Variants in ADPRS observed in about 807,000 individuals in gnomAD.
ADPRS encodes ADP-ribosylhydrolase ARH3.
In ADPRS, 25 loss-of-function variants were observed where a neutral mutation model predicts 32.1. The observed-to-expected ratio is 0.78, with a 90% confidence interval of 0.57 to 1.09. The LOEUF is 1.09. ADPRS is among the 50% of genes least tolerant of loss of function. The pLI is 0.00. For missense variants in ADPRS, 482 were observed against 480.6 expected (o/e 1.00, Z -0.03); for synonymous variants, 225 against 201.0 (o/e 1.12, Z -1.01).
At chr1:36,093,005 C>T (rs1643506365) in intron 5 of ADPRS, 92 bp from the exon 6 acceptor site, 2 of 1,386,676 alleles carry the variant, frequency 1.4e-6, no homozygotes, top group African/African-American at 1.4e-5. Context: ...AGATCTTAGT[C>T]ACAGCCTGCT....
At position 36,088,902 on chromosome 1, in the gene ADPRS, C is replaced by A; in HGVS notation, c.-3C>A. On this transcript the variant is annotated 5_prime_UTR_variant, in exon 1 of 6. Transcript: ENST00000373178. Reference sequence around the variant, plus strand: ...CCGGAAGTGGCGAGCAGTCTGCGCGCGGATGGCCGCAGCGGCGATGGCGGC... The same window carrying A: ...CCGGAAGTGGCGAGCAGTCTGCGCGAGGATGGCCGCAGCGGCGATGGCGGC... 2 of 1,525,686 alleles carry A rather than the reference C, an allele frequency of 1.3e-6. No homozygotes were observed. Among genetic ancestry groups the A allele is most frequent in the Non-Finnish European group, 8.8e-7 (1 of 1,142,192 alleles). The allele number at this position is 1,525,686 out of a possible 1,614,324, so 94.5% of individuals were successfully genotyped here.
At chr1:36,090,911 C>A (rs1308087974) in intron 1 of ADPRS, among the ~76,000 whole-genome samples, 1 of 151,996 alleles carries the variant, frequency 6.6e-6, no homozygotes, top group Non-Finnish European at 1.5e-5. Flanking sequence ...TGGCTCAGGC[C>A]TATAATCCCA....
At position 36,093,270 on chromosome 1, in the gene ADPRS, G is replaced by A. The variant is rs1204444314; in HGVS notation, c.976G>A (p.Ala326Thr). 6.2e-7 allele frequency: 1 copy of A among 1,614,258 alleles called. No homozygotes were observed. The highest frequency in any genetic ancestry group is 8.5e-7 in the Non-Finnish European group (1 of 1,180,056). Residue 326 changes from alanine to threonine, a missense_variant, in exon 6 of 6, where the codon GCT becomes ACT. Ala to Thr is a moderately conservative substitution (Grantham distance 58, BLOSUM62 0). Transcript: ENST00000373178. ...DTIATMAGAI[A>T]GAYYGMDQVP... is the part of the protein sequence containing the mutation. ...CATTGCCACCATGGCTGGGGCCATT[G>A]CTGGTGCCTACTATGGGATGGATCA...
chr1:36,092,277 C>G, intron 4 of ADPRS, 145 bp from the exon 5 acceptor site: 1 of 1,133,264 alleles, frequency 8.8e-7, no homozygotes, highest in East Asian at 2.6e-5. Context: ...CCTGCTCACC[C>G]CAGCCCTCTC....
intron 2 of ADPRS, 47 bp downstream of exon 2, chr1:36,091,387 T>C (rs373238506): frequency 5.8e-6 from 9 of 1,549,406 alleles, no homozygotes; most frequent in South Asian, 3.4e-5. Context: ...GGGAAAGTTA[T>C]TGCACCCCTT....
chr1:36,092,772 C>G (rs1226780964), intron 5 of ADPRS, among the ~76,000 whole-genome samples: 1 of 152,230 alleles, frequency 6.6e-6, no homozygotes, highest in Admixed American at 6.5e-5. Flanking sequence ...TTTTATTTGT[C>G]TAGCATCTAT....
intron 4 of ADPRS, 63 bp from the exon 5 acceptor site, chr1:36,092,359 C>T (rs1279145411): frequency 1.3e-6 from 2 of 1,513,608 alleles, no homozygotes; most frequent in African/African-American, 2.7e-5. Context: ...ATGCAGCCCT[C>T]TCCCCTGCCC....
intron 3 of ADPRS, 36 bp downstream of exon 3, chr1:36,091,861 TCCTC>T: frequency 6.3e-7 from 1 of 1,586,898 alleles, no homozygotes; most frequent in Non-Finnish European, 8.6e-7. Flanking sequence ...GCTGTCCCCT[TCCTC>T]TTCTGCAGCA....
chr1:36,091,869 T>G (rs768731206), intron 3 of ADPRS, 41 bp from the exon 4 acceptor site: 1 of 1,587,456 alleles, frequency 6.3e-7, no homozygotes, highest in Non-Finnish European at 8.6e-7. Context: ...CTTCCTCTTC[T>G]GCAGCAGGGC....
At chr1:36,092,129 T>C in intron 4 of ADPRS, 35 bp downstream of exon 4, 1 of 1,565,172 alleles carries the variant, frequency 6.4e-7, no homozygotes, top group South Asian at 1.2e-5. Flanking sequence ...GGTGTGGGTA[T>C]GTGGGTGATC....
At position 36,089,061 on chromosome 1, in the gene ADPRS, C is replaced by A; in HGVS notation, c.157C>A (p.Arg53Ser). The A allele has an allele frequency of 1.4e-6, 2 of 1,466,518 alleles. No homozygotes were observed. Among genetic ancestry groups the A allele is most frequent in the African/African-American group, 1.5e-5 (1 of 67,642 alleles). The allele number at this position is 1,466,518 out of a possible 1,614,324, so 90.8% of individuals were successfully genotyped here. ...HDTVDLTSVL[R>S]HVQSLEPDPG... Reference sequence around the variant, plus strand: ...CACCGTCGACCTGACGTCAGTCCTGCGTCATGTCCAGAGTCTGGAGCCGGA... The same window carrying A: ...CACCGTCGACCTGACGTCAGTCCTGAGTCATGTCCAGAGTCTGGAGCCGGA... The change falls in exon 1 of 6, where the codon CGT becomes AGT. Residue 53 changes from arginine (R) to serine (S), a missense_variant. By Grantham distance (110) the Arg-to-Ser change is moderately radical (BLOSUM62 -1). Coordinates refer to ENST00000373178, the MANE Select transcript of ADPRS (RefSeq NM_017825.3).
Position 36,093,367 on chromosome 1 carries a change from G to C in ADPRS, c.1073G>C (p.Arg358Pro). 1 of 1,613,594 alleles carries C rather than the reference G, an allele frequency of 6.2e-7. No homozygotes were observed. The highest frequency in any genetic ancestry group is 1.1e-5 in the South Asian group (1 of 91,044). ...GACATCCTGGCCCAAAGCCTGCACC[G>C]TGTCTTCCAGAAGAGTTGATGAGGG... ...ETDILAQSLHRVFQKS is the reference protein window; with the variant it reads ...ETDILAQSLHPVFQKS The change falls in exon 6 of 6, where the codon CGT becomes CCT. Residue 358 changes from arginine to proline, a missense_variant. Coordinates refer to ENST00000373178, the MANE Select transcript of ADPRS (RefSeq NM_017825.3).
At chr1:36,092,153 G>A in intron 4 of ADPRS, 59 bp downstream of exon 4, 1 of 1,536,276 alleles carries the variant, frequency 6.5e-7, no homozygotes, top group Admixed American at 2.0e-5. Context: ...GGGGCCTCTG[G>A]CATTGCCGCA....
At chr1:36,091,169 C>CA in intron 1 of ADPRS, 75 bp from the exon 2 acceptor site, 4 of 1,324,648 alleles carry the variant, frequency 3.0e-6, no homozygotes, top group Non-Finnish European at 4.3e-6. Flanking sequence ...ACTCTGTCTC[C>CA]AAAAAAAGCA....
rs1478608619 is a variant in ADPRS at position 36,093,368 on chromosome 1, T to C, written c.1074T>C (p.Arg358=). 1 of 1,613,712 alleles carries C rather than the reference T, an allele frequency of 6.2e-7. No homozygotes were observed. The highest frequency in any genetic ancestry group is 8.5e-7 in the Non-Finnish European group (1 of 1,179,676). Reference sequence around the variant, plus strand: ...ACATCCTGGCCCAAAGCCTGCACCGTGTCTTCCAGAAGAGTTGATGAGGGC... The same window carrying C: ...ACATCCTGGCCCAAAGCCTGCACCGCGTCTTCCAGAAGAGTTGATGAGGGC... The part of the protein sequence containing the change: ...ETDILAQSLH[R]VFQKS The change falls in exon 6 of 6, where the codon CGT becomes CGC. Residue 358 remains arginine (R), a synonymous_variant. Coordinates refer to ENST00000373178, the MANE Select transcript of ADPRS (RefSeq NM_017825.3).
rs939227537 is a variant in ADPRS at position 36,093,870 on chromosome 1, T to C, written c.*484T>C. The C allele has an allele frequency of 1.2e-5, 2 of 160,502 alleles. No homozygotes were observed. Among genetic ancestry groups the C allele is most frequent in the African/African-American group, 4.8e-5 (2 of 41,626 alleles). 9.9% of individuals were successfully genotyped at this position (160,502 alleles called of 1,614,324 possible). Reference sequence around the variant, plus strand: ...ATCTAGGTCACACCTGGCTCTTGGCTGCCATGTGGCTTATTAACAGCTTCC... The same window carrying C: ...ATCTAGGTCACACCTGGCTCTTGGCCGCCATGTGGCTTATTAACAGCTTCC... On this transcript the variant is annotated 3_prime_UTR_variant, in exon 6 of 6. Transcript: ENST00000373178.
At position 36,093,203 on chromosome 1, in the gene ADPRS, G is replaced by T; in HGVS notation, c.909G>T (p.Arg303Ser). 1 of 1,614,190 alleles carries T rather than the reference G, an allele frequency of 6.2e-7. No homozygotes were observed. Among genetic ancestry groups the T allele is most frequent in the African/African-American group, 1.3e-5 (1 of 75,040 alleles). The change falls in exon 6 of 6, where the codon AGG becomes AGT. Residue 303 changes from arginine (R) to serine (S), a missense_variant. Coordinates refer to ENST00000373178, the MANE Select transcript of ADPRS (RefSeq NM_017825.3). Reference sequence around the variant, plus strand: ...CTTCTGCCTTCAATAGCCTCCAAAGGACTCTCATTTATTCCATCTCACTTG... The same window carrying T: ...CTTCTGCCTTCAATAGCCTCCAAAGTACTCTCATTTATTCCATCTCACTTG... ...EIPSAFNSLQRTLIYSISLGG... is the reference protein window; with the variant it reads ...EIPSAFNSLQSTLIYSISLGG...
chr1:36,093,331 A>T lies in ADPRS; in HGVS notation c.1037A>T (p.Tyr346Phe). The change falls in exon 6 of 6, where the codon TAC (tyrosine) becomes TTC (phenylalanine). Residue 346 changes from tyrosine to phenylalanine, a missense_variant. Tyr to Phe is a conservative substitution (Grantham distance 22). Coordinates refer to ENST00000373178, the MANE Select transcript of ADPRS (RefSeq NM_017825.3). ...PESWQQSCEG[Y>F]EETDILAQSL... ...AGCTGGCAGCAAAGCTGTGAAGGCT[A>T]CGAGGAGACAGACATCCTGGCCCAA... 1 of 1,614,272 alleles carries T rather than the reference A, an allele frequency of 6.2e-7. No individual in the cohort carries two copies. Among genetic ancestry groups the T allele is most frequent in the Non-Finnish European group, 8.5e-7 (1 of 1,180,058 alleles).
chr1:36,088,902 C>G lies in ADPRS; in HGVS notation c.-3C>G. 2 of 1,525,686 alleles carry G rather than the reference C, an allele frequency of 1.3e-6. No individual in the cohort carries two copies. The highest frequency in any genetic ancestry group is 1.8e-6 in the Non-Finnish European group (2 of 1,142,192). The allele number at this position is 1,525,686 out of a possible 1,614,324, so 94.5% of individuals were successfully genotyped here. On this transcript the variant is annotated 5_prime_UTR_variant, in exon 1 of 6. Transcript: ENST00000373178. The stretch of plus-strand genomic sequence containing the variant: ...CCGGAAGTGGCGAGCAGTCTGCGCG[C>G]GGATGGCCGCAGCGGCGATGGCGGC...
Sources: allele counts gnomAD v4.1 joint callset (sites outside exome capture counted in the v4.1 genomes callset), GRCh38; gene constraint gnomAD v4.1.1; transcripts MANE v1.5; gene names NCBI Gene and HGNC (gene_info 2026-07-23, HGNC 2026-07-21).